BOLL: variants seen among roughly 807,000 people sequenced by gnomAD.
BOLL encodes boule RNA binding protein.
A neutral mutation model predicts 44.4 loss-of-function variants in BOLL; 23 were observed. The ratio of observed to expected loss-of-function variants is 0.52; its 90% CI spans 0.37 to 0.73. The LOEUF is 0.73. BOLL is among the 30% of genes least tolerant of loss of function. The pLI is 0.00. For synonymous variants in BOLL, 97 were observed against 110.8 expected (o/e 0.88, Z 0.78); for missense variants, 287 against 338.3 (o/e 0.85, Z 1.19).
chr2:197,734,522 C>T (rs1047434751), intron 10 of BOLL, among the ~76,000 whole-genome samples: 23 of 151,932 alleles, frequency 1.5e-4, no homozygotes, highest in Non-Finnish European at 2.6e-4. Context: ...ATGTTTATCA[C>T]GGCACTATTC....
chr2:197,775,612 C>A, intron 5 of BOLL, 53 bp downstream of exon 5: 3 of 1,167,956 alleles, frequency 2.6e-6, no homozygotes, highest in South Asian at 3.1e-5. Flanking sequence ...TCTTATATTT[C>A]AAAAAAGAAC....
intron 3 of BOLL, among the ~76,000 whole-genome samples, chr2:197,777,830 T>G (rs1347497353): frequency 6.6e-6 from 1 of 151,884 alleles, no homozygotes; most frequent in Non-Finnish European, 1.5e-5. Context: ...TTAAGTAAAC[T>G]CTTCTGAGTA....
chr2:197,742,848 A>T (rs1687816702), intron 10 of BOLL, among the ~76,000 whole-genome samples: 1 of 152,066 alleles, frequency 6.6e-6, no homozygotes, highest in South Asian at 2.1e-4. Flanking sequence ...TTTAAAAAAG[A>T]AAATTTTTAA....
intron 3 of BOLL, among the ~76,000 whole-genome samples, chr2:197,778,739 C>T (rs1465094292): frequency 6.6e-6 from 1 of 151,612 alleles, no homozygotes; most frequent in Non-Finnish European, 1.5e-5. Flanking sequence ...TGAATGGTCC[C>T]TCCACCCATG....
chr2:197,759,111 C>A (rs778847918), intron 7 of BOLL: 75 of 873,288 alleles, frequency 8.6e-5, no homozygotes, highest in Non-Finnish European at 1.3e-4. Context: ...AAGACTAAGG[C>A]AAAGAATAAA....
chr2:197,779,251 A>G (rs1433494865), intron 2 of BOLL, among the ~76,000 whole-genome samples, 185 bp from the exon 3 acceptor site: 1 of 152,036 alleles, frequency 6.6e-6, no homozygotes, highest in Non-Finnish European at 1.5e-5. Context: ...TTTATGCAAT[A>G]GCTATGTTGT....
intron 10 of BOLL, among the ~76,000 whole-genome samples, chr2:197,736,187 C>T (rs1687477503): frequency 6.6e-6 from 1 of 152,128 alleles, no homozygotes; most frequent in Admixed American, 6.6e-5. Context: ...AAGGGCATAT[C>T]ACCTCTGTGA....
intron 6 of BOLL, among the ~76,000 whole-genome samples, chr2:197,771,462 G>A (rs951659959): frequency 1.3e-5 from 2 of 151,786 alleles, no homozygotes; most frequent in East Asian, 1.9e-4. Flanking sequence ...AAACCTGCAC[G>A]TTGTGCACAT....
At chr2:197,779,500 A>G (rs755737264) in intron 2 of BOLL, among the ~76,000 whole-genome samples, 47 of 151,880 alleles carry the variant, frequency 3.1e-4, no homozygotes, top group Non-Finnish European at 6.5e-4. Flanking sequence ...ATTCTATTTT[A>G]ATCAGTAGTC....
Position 197,775,744 on chromosome 2 carries a change from A to C in BOLL, c.277-4T>G. 1 of 1,451,708 alleles carries C rather than the reference A, an allele frequency of 6.9e-7. No individual in the cohort carries two copies. Among genetic ancestry groups the C allele is most frequent in the Non-Finnish European group, 9.3e-7 (1 of 1,073,540 alleles). The allele number at this position is 1,451,708 out of a possible 1,614,324, so 89.9% of individuals were successfully genotyped here. On this transcript the variant is annotated splice_region_variant and splice_polypyrimidine_tract_variant and intron_variant, in intron 4 of 10. Coordinates refer to ENST00000392296, the MANE Select transcript of BOLL (RefSeq NM_033030.6). ...CCTTATAATTAAGTTTTTCAGCCTA[A>C]AATAAAGAAAAAAGAAATTATTTTA... is the stretch of plus-strand genomic sequence containing the variant.
chr2:197,771,992 A>C lies in BOLL; in HGVS notation c.353-10T>G. 2 of 1,542,666 alleles carry C rather than the reference A, an allele frequency of 1.3e-6. No individual in the cohort carries two copies. Among genetic ancestry groups the C allele is most frequent in the Non-Finnish European group, 1.8e-6 (2 of 1,138,242 alleles). ...GGCATTATACTAGAACCTAAAGCAA[A>C]GATTAAATAATAATAATTGAAATGT... is the stretch of plus-strand genomic sequence containing the variant. On this transcript the variant is annotated splice_polypyrimidine_tract_variant and intron_variant, in intron 5 of 10. Coordinates refer to ENST00000392296, the MANE Select transcript of BOLL (RefSeq NM_033030.6).
At chr2:197,781,421 GGTATGGAAGA>G (rs1689774057) in intron 2 of BOLL, among the ~76,000 whole-genome samples, 1 of 152,064 alleles carries the variant, frequency 6.6e-6, no homozygotes. Context: ...AATTAGTTCT[GGTATGGAAGA>G]GTATGGAGCT....
At chr2:197,785,385 G>C, upstream of BOLL, 8 of 986,040 alleles carry the variant, frequency 8.1e-6, no homozygotes, top group Non-Finnish European at 9.6e-6. This position sits in a 1 kb window ranked among gnomAD's most constrained non-coding sequence, Gnocchi z 6.7. Context: ...GGGCGGGATG[G>C]CACGTTGCCG....
intron 8 of BOLL, among the ~76,000 whole-genome samples, chr2:197,757,089 G>A (rs1688549821): frequency 6.6e-6 from 1 of 151,996 alleles, no homozygotes; most frequent in Non-Finnish European, 1.5e-5. Context: ...AAGTTTTCAT[G>A]TTTATACAGT....
Position 197,734,062 on chromosome 2 carries a change from A to G in BOLL, c.829-5484T>C, listed in dbSNP as rs1321384689. On this transcript the variant is annotated intron_variant, in intron 10 of 10. Coordinates refer to ENST00000392296, the MANE Select transcript of BOLL (RefSeq NM_033030.6). ...GGGAGAAAATTTTTGCAACCTACTC[A>G]TCTGACAAAGGGCTAATATCCAGAA... Among the ~76,000 whole-genome samples, 3 of 151,552 alleles carry G rather than the reference A, an allele frequency of 2.0e-5. No individual in the cohort carries two copies. In the East Asian group the frequency reaches 5.8e-4, roughly 29 times the overall value.
chr2:197,727,952 C>T lies in BOLL; in HGVS notation c.*603G>A, dbSNP rs1686918118. On this transcript the variant is annotated 3_prime_UTR_variant, in exon 11 of 11. Coordinates refer to ENST00000392296, the MANE Select transcript of BOLL (RefSeq NM_033030.6). ...ATGTTATAAAAAAGAAGTATAAATA[C>T]TATTCAGATTCTGAAAACCATGGCA... The T allele has an allele frequency of 6.6e-6, 1 of 152,174 alleles. No homozygotes were observed. Among genetic ancestry groups the T allele is most frequent in the Non-Finnish European group, 1.5e-5 (1 of 68,022 alleles). 9.4% of individuals were successfully genotyped at this position (152,174 alleles called of 1,614,324 possible).
rs764600461 is a variant in BOLL at position 197,771,864 on chromosome 2, C to T, written c.471G>A (p.Pro157=). 3.7e-5 allele frequency: 59 copies of T among 1,582,760 alleles called. No homozygotes were observed. The highest frequency in any genetic ancestry group is 4.8e-5 in the Non-Finnish European group (56 of 1,166,622). ...FHTPEVTSVP[P]PWPSRSVCSS... ...AAATGAAATTACTTACAGGCCAAGG[C>T]GGTGGGACCGAAGTTACCTCTGGAG... Residue 157 remains proline (P), a synonymous_variant, in exon 6 of 11, where the codon CCG becomes CCA. Transcript: ENST00000392296.
At chr2:197,761,920 T>G (rs1259675453) in intron 7 of BOLL, among the ~76,000 whole-genome samples, 1 of 152,062 alleles carries the variant, frequency 6.6e-6, no homozygotes, top group Non-Finnish European at 1.5e-5. Flanking sequence ...GTAATACATA[T>G]GTACCCAACA....
At chr2:197,784,859 T>A in intron 1 of BOLL, 197 bp downstream of exon 1, 1 of 987,484 alleles carries the variant, frequency 1.0e-6, no homozygotes, top group Middle Eastern at 2.8e-4. Context: ...TAATTCCGCA[T>A]GTGTTACGGA....
Sources: allele counts gnomAD v4.1 joint callset (sites outside exome capture counted in the v4.1 genomes callset), GRCh38; gene constraint gnomAD v4.1.1; non-coding constraint Gnocchi (gnomAD v3.1); transcripts MANE v1.5; gene names NCBI Gene and HGNC (gene_info 2026-07-23, HGNC 2026-07-21).